Variants in SLC44A5 observed in about 807,000 individuals in gnomAD.
SLC44A5 encodes the protein solute carrier family 44 member 5, also known as choline transporter-like protein 5.
Under a neutral mutation model 101.8 loss-of-function variants are expected in SLC44A5, and 57 were observed. The observed-to-expected ratio is 0.56, with a 90% confidence interval of 0.45 to 0.70. The LOEUF (loss-of-function observed/expected upper bound fraction) is 0.70, where lower values mean the gene tolerates loss of function less well. SLC44A5 is among the 30% of genes least tolerant of loss of function. The pLI is 0.00. For missense variants in SLC44A5, 737 were observed against 853.1 expected, an observed-to-expected ratio of 0.86 and a Z score of 1.70; for synonymous variants, 281 against 290.9, an observed-to-expected ratio of 0.97 and a Z score of 0.35.
At position 75,206,773 on chromosome 1, in the gene SLC44A5, C is replaced by T. The variant is rs80240176; in HGVS notation, c.2048-2940G>A. The stretch of plus-strand genomic sequence containing the variant: ...AAGCAGAAGCAGCAGAACAATTATA[C>T]ACATTTTTATAAATTGGAGGGTCGA... On this transcript the variant is annotated intron_variant, in intron 23 of 23. Transcript: ENST00000370859. 525 of 1,012,974 alleles carry T rather than the reference C, an allele frequency of 5.2e-4. 11 individuals are homozygous for T. In the East Asian group the frequency reaches 0.013, roughly 24 times the overall value. The allele number at this position is 1,012,974 out of a possible 1,614,324, so 62.7% of individuals were successfully genotyped here.
chr1:75,371,711 A>G (rs1432267365), intron 3 of SLC44A5, among the ~76,000 whole-genome samples: 2 of 152,210 alleles, frequency 1.3e-5, no homozygotes, highest in Non-Finnish European at 2.9e-5. Flanking sequence ...ATTACTTTAG[A>G]CTAACCTACG....
chr1:75,699,127 C>T, the SLC44A5 span, among the ~76,000 whole-genome samples: 6 of 152,134 alleles, frequency 3.9e-5, no homozygotes, highest in South Asian at 1.0e-3. Context: ...GGCAGGCCAA[C>T]GTTCAGATTC....
chr1:75,605,373 A>G (rs1054560225), intron 1 of SLC44A5, among the ~76,000 whole-genome samples: 12 of 151,976 alleles, frequency 7.9e-5, no homozygotes, highest in Non-Finnish European at 1.5e-4. Context: ...GTGGAGAAAA[A>G]ATAAAAATAA....
chr1:75,220,083 T>A (rs904263941), intron 14 of SLC44A5, among the ~76,000 whole-genome samples, 191 bp from the exon 15 acceptor site: 1 of 152,210 alleles, frequency 6.6e-6, no homozygotes, highest in African/African-American at 2.4e-5. Flanking sequence ...ATTTTTCCGA[T>A]GCACATGTTA....
chr1:75,691,596 AT>A, the SLC44A5 span, among the ~76,000 whole-genome samples: 2 of 152,202 alleles, frequency 1.3e-5, no homozygotes, highest in African/African-American at 4.8e-5. Context: ...ATGGTCTCAG[AT>A]AAAATATGGC....
intron 12 of SLC44A5, among the ~76,000 whole-genome samples, 191 bp from the exon 13 acceptor site, chr1:75,228,048 T>C (rs1289955231): frequency 6.6e-6 from 1 of 152,208 alleles, no homozygotes; most frequent in Non-Finnish European, 1.5e-5. Flanking sequence ...TTGATATAAA[T>C]GTTTTCAGTA....
chr1:75,443,325 T>C (rs751386172), intron 2 of SLC44A5, among the ~76,000 whole-genome samples: 8 of 151,868 alleles, frequency 5.3e-5, no homozygotes, highest in Admixed American at 1.3e-4. Flanking sequence ...GAAAAAATCC[T>C]GCCTCAGAAA....
Position 75,271,497 on chromosome 1 carries a change from TTGTG to T in SLC44A5, c.260+3457_260+3460del, listed in dbSNP as rs4035634. Reference sequence around the variant, plus strand: ...AGTCCATTATATCACTCTGCATGTTTTGTGTGTGTGTGTGTGTGTGTGTGTGTCC... The same window carrying T: ...AGTCCATTATATCACTCTGCATGTTTTGTGTGTGTGTGTGTGTGTGTGTCC... On this transcript the variant is annotated intron_variant, in intron 6 of 23. Coordinates refer to ENST00000370859, the MANE Select transcript of SLC44A5 (RefSeq NM_001130058.2). 2.4e-3 allele frequency among the ~76,000 whole-genome samples: 358 copies of T among 146,394 alleles called. 2 individuals carry two copies. The highest frequency in any genetic ancestry group is 8.4e-3 in the African/African-American group (330 of 39,364).
At chr1:75,701,640 T>G in the SLC44A5 span, among the ~76,000 whole-genome samples, 3 of 152,162 alleles carry the variant, frequency 2.0e-5, no homozygotes, top group Non-Finnish European at 2.9e-5. Flanking sequence ...CAACATAGTG[T>G]TGGAAGTTCT....
At chr1:75,352,562 A>T (rs910845399) in intron 3 of SLC44A5, among the ~76,000 whole-genome samples, 3 of 152,196 alleles carry the variant, frequency 2.0e-5, no homozygotes, top group Non-Finnish European at 4.4e-5. Flanking sequence ...AGCAATTAGG[A>T]AGATATACAT....
chr1:75,390,603 G>A (rs1003316148), intron 3 of SLC44A5, among the ~76,000 whole-genome samples: 3 of 152,178 alleles, frequency 2.0e-5, no homozygotes, highest in Non-Finnish European at 4.4e-5. Flanking sequence ...GAAAGCTTTT[G>A]ATAAAATCCA....
intron 20 of SLC44A5, 65 bp from the exon 21 acceptor site, chr1:75,214,054 T>C: frequency 2.9e-6 from 3 of 1,024,870 alleles, no homozygotes; most frequent in South Asian, 2.9e-5. Context: ...TTGAAATTTA[T>C]GGCAGTAAAT....
intron 2 of SLC44A5, among the ~76,000 whole-genome samples, chr1:75,405,129 T>C (rs1308593577): frequency 1.3e-5 from 2 of 152,190 alleles, no homozygotes; most frequent in African/African-American, 4.8e-5. Flanking sequence ...AAGGGATCAA[T>C]GCAACAAGAA....
chr1:75,689,512 A>C, the SLC44A5 span, among the ~76,000 whole-genome samples: 4 of 152,204 alleles, frequency 2.6e-5, no homozygotes, highest in African/African-American at 7.2e-5. Flanking sequence ...GCTCATTACT[A>C]AGCCATTGTA....
At chr1:75,516,217 A>G (rs993067070) in intron 2 of SLC44A5, among the ~76,000 whole-genome samples, 6 of 152,180 alleles carry the variant, frequency 3.9e-5, no homozygotes, top group African/African-American at 1.4e-4. Flanking sequence ...CTGAGTTCCC[A>G]TAGATAATAA....
chr1:75,463,878 A>G (rs1666656118), intron 2 of SLC44A5, among the ~76,000 whole-genome samples: 2 of 143,036 alleles, frequency 1.4e-5, no homozygotes, highest in South Asian at 4.4e-4. Context: ...TAAACAATGA[A>G]CCAAACAAAA....
the SLC44A5 span, chr1:75,641,763 T>C: frequency 8.2e-6 from 13 of 1,577,478 alleles, no homozygotes; most frequent in African/African-American, 2.7e-5. Flanking sequence ...GCAACCACTT[T>C]GTCCAGTGGA....
At chr1:75,589,671 A>C (rs537364331) in intron 1 of SLC44A5, among the ~76,000 whole-genome samples, 1 of 152,168 alleles carries the variant, frequency 6.6e-6, no homozygotes, top group Admixed American at 6.5e-5. Context: ...AGAGATAGAA[A>C]AAACGGTCCT....
At chr1:75,511,691 T>TG (rs1420361419) in intron 2 of SLC44A5, among the ~76,000 whole-genome samples, 2 of 152,206 alleles carry the variant, frequency 1.3e-5, no homozygotes, top group Non-Finnish European at 2.9e-5. Context: ...CAGTAAGAAG[T>TG]GGACAATTTC....
Sources: gnomAD v4.1 joint callset for allele counts (sites outside exome capture counted in the v4.1 genomes callset) on GRCh38, gnomAD v4.1.1 for gene constraint, MANE v1.5 for transcripts, NCBI Gene and HGNC (gene_info 2026-07-23, HGNC 2026-07-21) for gene names.